CDH12: variants seen among roughly 807,000 people sequenced by gnomAD.
CDH12 encodes the protein cadherin 12, also known as cadherin-12.
CDH12 carries 41 observed loss-of-function variants against 74.1 expected under a neutral mutation model. The ratio of observed to expected loss-of-function variants is 0.55; its 90% CI spans 0.43 to 0.72. CDH12 has a LOEUF of 0.72. CDH12 is among the 30% of genes least tolerant of loss of function. CDH12 has a pLI of 0.00. For synonymous variants in CDH12, 399 were observed against 355.0 expected (o/e 1.12, Z -1.39); for missense variants, 945 against 977.2 (o/e 0.97, Z 0.44).
chr5:21,770,675 A>G (rs1745275300), intron 11 of CDH12, among the ~76,000 whole-genome samples: 1 of 152,132 alleles, frequency 6.6e-6, no homozygotes, highest in African/African-American at 2.4e-5. Flanking sequence ...AACTTACAAC[A>G]GAATTACTCT....
chr5:22,096,870 C>G (rs532301535), intron 4 of CDH12, among the ~76,000 whole-genome samples: 1 of 152,252 alleles, frequency 6.6e-6, no homozygotes, highest in South Asian at 2.1e-4. Flanking sequence ...AATCTGCTCC[C>G]AACATTAAAT....
chr5:21,964,387 T>C (rs1756492402), intron 6 of CDH12, among the ~76,000 whole-genome samples: 1 of 152,046 alleles, frequency 6.6e-6, no homozygotes, highest in African/African-American at 2.4e-5. Flanking sequence ...CCCATCCTTC[T>C]TAAAAGTTTG....
Position 22,717,370 on chromosome 5 carries a change from C to T in CDH12, c.-523+135688G>A, listed in dbSNP as rs542037222. Among the ~76,000 whole-genome samples the T allele has an allele frequency of 8.5e-5, 13 of 152,206 alleles. No individual in the cohort carries two copies. In the East Asian group the frequency reaches 9.7e-4, roughly 11 times the overall value. Reference sequence around the variant, plus strand: ...AGTAAAATCCTGCATAGATCAGTAACGTAGGAGCAACAGACTATACCATAT... The same window carrying T: ...AGTAAAATCCTGCATAGATCAGTAATGTAGGAGCAACAGACTATACCATAT... On this transcript the variant is annotated intron_variant, in intron 1 of 14. Transcript: ENST00000382254.
At chr5:21,948,088 G>A (rs1307565297) in intron 6 of CDH12, among the ~76,000 whole-genome samples, 3 of 152,204 alleles carry the variant, frequency 2.0e-5, no homozygotes, top group Non-Finnish European at 4.4e-5. Flanking sequence ...TGTCCAGGCC[G>A]AGATTGGCTG....
chr5:22,612,403 A>G (rs951062557), intron 1 of CDH12, among the ~76,000 whole-genome samples: 3 of 152,164 alleles, frequency 2.0e-5, no homozygotes, highest in African/African-American at 7.2e-5. Context: ...TTACTACATA[A>G]TATCACTTTA....
At chr5:22,736,376 C>A (rs1461318589) in intron 1 of CDH12, among the ~76,000 whole-genome samples, 1 of 151,274 alleles carries the variant, frequency 6.6e-6, no homozygotes, top group Non-Finnish European at 1.5e-5. Flanking sequence ...CTGCAAAATC[C>A]TTTTTGTGTT....
At chr5:22,817,431 A>T (rs912344516) in intron 1 of CDH12, among the ~76,000 whole-genome samples, 17 of 152,160 alleles carry the variant, frequency 1.1e-4, no homozygotes, top group Non-Finnish European at 1.9e-4. Flanking sequence ...TTTAAATTAC[A>T]TGAAAAGGTA....
In CDH12 at chr5:22,711,689, G is replaced by T. The variant is rs913029287; in HGVS notation, c.-523+141369C>A. ...ACATATTCATAGGAAATTTTTTATT[G>T]CTTTTCTGAAACAATCTATCAATTT... On this transcript the variant is annotated intron_variant, in intron 1 of 14. Coordinates refer to ENST00000382254, the MANE Select transcript of CDH12 (RefSeq NM_004061.5). Among the ~76,000 whole-genome samples the T allele has an allele frequency of 2.0e-5, 3 of 151,854 alleles. No homozygotes were observed. The East Asian group carries it at 5.8e-4, about 29-fold the overall frequency.
intron 5 of CDH12, among the ~76,000 whole-genome samples, chr5:22,054,727 G>A (rs1400665697): frequency 1.3e-5 from 2 of 152,118 alleles, no homozygotes; most frequent in Non-Finnish European, 2.9e-5. Flanking sequence ...CTGAATGTAT[G>A]TACAGTCTCT....
chr5:22,819,535 T>C (rs1297741455), intron 1 of CDH12, among the ~76,000 whole-genome samples: 1 of 152,032 alleles, frequency 6.6e-6, no homozygotes, highest in Non-Finnish European at 1.5e-5. Flanking sequence ...GCAAATTTCC[T>C]TTGGAAAAAA....
chr5:22,307,182 C>T, intron 3 of CDH12, among the ~76,000 whole-genome samples: 1 of 152,122 alleles, frequency 6.6e-6, no homozygotes. Flanking sequence ...TATAACTCTA[C>T]CCCACTTTGA....
chr5:22,808,638 G>A (rs1161196600), intron 1 of CDH12, among the ~76,000 whole-genome samples: 2 of 121,248 alleles, frequency 1.6e-5, no homozygotes, highest in Non-Finnish European at 1.6e-5. Context: ...ATGGAGTCTC[G>A]CTTTGTTGCC....
intron 11 of CDH12, among the ~76,000 whole-genome samples, chr5:21,776,490 G>C (rs567425694): frequency 6.6e-6 from 1 of 152,262 alleles, no homozygotes; most frequent in South Asian, 2.1e-4. Context: ...GAATAGCAGT[G>C]TAGTACCTGA....
chr5:22,678,106 A>G (rs1355883123), intron 1 of CDH12, among the ~76,000 whole-genome samples: 1 of 151,808 alleles, frequency 6.6e-6, no homozygotes, highest in Non-Finnish European at 1.5e-5. Flanking sequence ...AATCTATAAC[A>G]TTGTTTCTCC....
intron 4 of CDH12, among the ~76,000 whole-genome samples, chr5:22,201,394 G>A (rs1750917660): frequency 6.6e-6 from 1 of 152,080 alleles, no homozygotes; most frequent in Non-Finnish European, 1.5e-5. Flanking sequence ...AGAACTGGAG[G>A]CCATTATCTT....
At chr5:22,794,172 G>C (rs1748066782) in intron 1 of CDH12, among the ~76,000 whole-genome samples, 1 of 152,102 alleles carries the variant, frequency 6.6e-6, no homozygotes, top group African/African-American at 2.4e-5. Flanking sequence ...CACGGTTTAT[G>C]CATTCATGTT....
chr5:22,164,930 A>T (rs1748593170), intron 4 of CDH12, among the ~76,000 whole-genome samples: 2 of 143,074 alleles, frequency 1.4e-5, no homozygotes, highest in African/African-American at 2.6e-5. Context: ...ATTAAACATG[A>T]CAATGTTTAA....
At chr5:22,246,327 G>A (rs947590996) in intron 3 of CDH12, among the ~76,000 whole-genome samples, 2 of 151,992 alleles carry the variant, frequency 1.3e-5, no homozygotes, top group Non-Finnish European at 2.9e-5. Context: ...AATGTTTCAC[G>A]TAAAGATAAT....
chr5:22,416,671 G>A (rs894436372), intron 2 of CDH12, among the ~76,000 whole-genome samples: 1 of 152,076 alleles, frequency 6.6e-6, no homozygotes, highest in African/African-American at 2.4e-5. Context: ...AAAAAAATAA[G>A]ATTAGTATTA....
Sources: gnomAD v4.1 joint callset for allele counts (sites outside exome capture counted in the v4.1 genomes callset) on GRCh38, gnomAD v4.1.1 for gene constraint, MANE v1.5 for transcripts, NCBI Gene and HGNC (gene_info 2026-07-23, HGNC 2026-07-21) for gene names.